Variants in PPIL6 observed in about 807,000 individuals in gnomAD.
PPIL6 encodes the protein peptidylprolyl isomerase like 6, also known as probable inactive peptidyl-prolyl cis-trans isomerase-like 6.
PPIL6 carries 39 observed loss-of-function variants against 36.8 expected under a neutral mutation model. The ratio of observed to expected loss-of-function variants is 1.06; its 90% confidence interval spans 0.82 to 1.38. The LOEUF is 1.38. Ranked by LOEUF, PPIL6 falls within the 40% of genes most tolerant of loss-of-function variation. PPIL6 has a pLI of 0.00. For synonymous variants in PPIL6, 123 were observed against 134.1 expected (o/e 0.92, Z 0.57); for missense variants, 368 against 379.1 (o/e 0.97, Z 0.24).
At chr6:109,432,344 C>T (rs1167402040) in intron 2 of PPIL6, among the ~76,000 whole-genome samples, 3 of 152,114 alleles carry the variant, frequency 2.0e-5, no homozygotes, top group Non-Finnish European at 2.9e-5. Flanking sequence ...CCTCAAAATG[C>T]AGTGTGTTAG....
chr6:109,400,168 C>T lies in PPIL6; in HGVS notation c.691G>A (p.Glu231Lys), dbSNP rs375702419. Residue 231 changes from glutamate to lysine, a missense_variant and splice_region_variant, in exon 7 of 8, where the codon GAA becomes AAA. Coordinates refer to ENST00000521072, the MANE Select transcript of PPIL6 (RefSeq NM_173672.5). ...TTATTATGAGGAACTGAAAAGTTTT[C>T]ATCTAGGAAAGACAATAATCAGTAG... The part of the protein sequence containing the change: ...ESIYGPTFED[E>K]NFSVPHNKRG... 1.1e-5 allele frequency: 17 copies of T among 1,609,550 alleles called. No individual in the cohort carries two copies. Among genetic ancestry groups the T allele is most frequent in the East Asian group, 2.2e-5 (1 of 44,796 alleles).
Position 109,436,187 on chromosome 6 carries a change from T to C in PPIL6, c.148A>G (p.Asn50Asp), listed in dbSNP as rs549991729. The change falls in exon 2 of 8, where the codon AAT becomes GAT. Residue 50 changes from asparagine (N) to aspartate (D), a missense_variant. Physicochemically the swap from Asn to Asp is conservative, Grantham distance 23. Transcript: ENST00000521072. ...GGATCTTCAAATTTGGATGGATGAT[T>C]ATTCTTCAGATTCTGGATTTCGAAA... Reference protein sequence around the residue: ...AKSAAENLKNNHPSKFEDPIL... With the variant: ...AKSAAENLKNDHPSKFEDPIL... The C allele has an allele frequency of 1.2e-5, 18 of 1,538,772 alleles. No individual in the cohort carries two copies. The South Asian group carries it at 1.6e-4, about 14-fold the overall frequency.
intron 2 of PPIL6, among the ~76,000 whole-genome samples, chr6:109,435,727 C>T (rs1774408463): frequency 6.6e-6 from 1 of 152,158 alleles, no homozygotes; most frequent in Admixed American, 6.5e-5. Context: ...GAGTTTGAGA[C>T]TACCCTGGGC....
intron 7 of PPIL6, among the ~76,000 whole-genome samples, chr6:109,398,439 A>G (rs1772389869): frequency 6.6e-6 from 1 of 152,236 alleles, no homozygotes; most frequent in African/African-American, 2.4e-5. Context: ...TGGAGAGTCA[A>G]TAATTATCCC....
chr6:109,422,080 A>G (rs1411405654), intron 5 of PPIL6, among the ~76,000 whole-genome samples: 1 of 151,818 alleles, frequency 6.6e-6, no homozygotes, highest in Non-Finnish European at 1.5e-5. Flanking sequence ...GTTTCACCAT[A>G]TTGGCCAGAC....
chr6:109,430,246 A>T (rs902089555), intron 3 of PPIL6, among the ~76,000 whole-genome samples: 1 of 152,228 alleles, frequency 6.6e-6, no homozygotes, highest in Non-Finnish European at 1.5e-5. Context: ...TTTTCTGCAC[A>T]ATGCAGTTGT....
At chr6:109,412,929 G>A (rs1773077085) in intron 6 of PPIL6, among the ~76,000 whole-genome samples, 1 of 152,142 alleles carries the variant, frequency 6.6e-6, no homozygotes, top group Admixed American at 6.6e-5. Flanking sequence ...GGAGGCTGAG[G>A]CAGGTGGATC....
chr6:109,435,289 T>C (rs931868969), intron 2 of PPIL6, among the ~76,000 whole-genome samples: 1 of 151,048 alleles, frequency 6.6e-6, no homozygotes, highest in Non-Finnish European at 1.5e-5. Context: ...ATTCTGTAAA[T>C]GTTGCACTTT....
At position 109,440,542 on chromosome 6, in the gene PPIL6, G is replaced by T; in HGVS notation, c.49C>A (p.Pro17Thr). Reference protein sequence around the residue: ...CGPPHARCGSPSLPERPLQVK... With the variant: ...CGPPHARCGSTSLPERPLQVK... The stretch of plus-strand genomic sequence containing the variant: ...TGCAGCGGCCGCTCCGGCAGCGACG[G>T]CGAGCCGCACCTAGCGTGCGGGGGC... The change falls in exon 1 of 8, where the codon CCG becomes ACG. Residue 17 changes from proline (P) to threonine (T), a missense_variant. Coordinates refer to ENST00000521072, the MANE Select transcript of PPIL6 (RefSeq NM_173672.5). 1 of 1,488,652 alleles carries T rather than the reference G, an allele frequency of 6.7e-7. No homozygotes were observed. The allele number at this position is 1,488,652 out of a possible 1,614,324, so 92.2% of individuals were successfully genotyped here.
intron 7 of PPIL6, among the ~76,000 whole-genome samples, chr6:109,395,994 G>A (rs972258017): frequency 3.3e-5 from 5 of 151,776 alleles, no homozygotes; most frequent in African/African-American, 7.3e-5. Context: ...CACCACGCCC[G>A]GCTAATTTTT....
chr6:109,438,264 A>G (rs1012019572), intron 1 of PPIL6, among the ~76,000 whole-genome samples: 1 of 151,966 alleles, frequency 6.6e-6, no homozygotes. Context: ...TTAGGAATAC[A>G]TTCAGATATC....
At chr6:109,438,953 A>G (rs1232628475) in intron 1 of PPIL6, among the ~76,000 whole-genome samples, 2 of 152,234 alleles carry the variant, frequency 1.3e-5, no homozygotes, top group African/African-American at 4.8e-5. Context: ...CGCAAGTCAA[A>G]TTTCGTGTCC....
intron 5 of PPIL6, among the ~76,000 whole-genome samples, chr6:109,421,980 G>A (rs1346182452): frequency 6.6e-6 from 1 of 152,176 alleles, no homozygotes; most frequent in Admixed American, 6.5e-5. Context: ...GGGTTCAACC[G>A]ATTCTCCTGC....
rs573641893 is a variant in PPIL6 at position 109,431,055 on chromosome 6, C to T, written c.420+102G>A. The T allele has an allele frequency of 5.8e-6, 5 of 863,580 alleles. No individual in the cohort carries two copies. In the East Asian group the frequency reaches 1.2e-4, roughly 21 times the overall value. The allele number at this position is 863,580 out of a possible 1,614,324, so 53.5% of individuals were successfully genotyped here. On this transcript the variant is annotated intron_variant, in intron 3 of 7. Transcript: ENST00000521072. Reference sequence around the variant, plus strand: ...ACTAGGCTTTAAACTTAGTCTCCTACTTTTTTATAATCTCCTTCATTAGGA... The same window carrying T: ...ACTAGGCTTTAAACTTAGTCTCCTATTTTTTTATAATCTCCTTCATTAGGA...
upstream of PPIL6, chr6:109,441,123 T>C (rs865798957): frequency 1.9e-6 from 3 of 1,614,100 alleles, no homozygotes; most frequent in Middle Eastern, 3.3e-4. Context: ...TCCCCAACCA[T>C]GAAGCCCAAC....
intron 3 of PPIL6, among the ~76,000 whole-genome samples, chr6:109,430,575 C>T (rs566747020): frequency 5.3e-4 from 80 of 152,216 alleles, no homozygotes; most frequent in Non-Finnish European, 9.0e-4. Context: ...TACAGGTACA[C>T]GCCACCACGC....
intron 6 of PPIL6, among the ~76,000 whole-genome samples, chr6:109,414,993 T>C (rs1206349898): frequency 6.6e-6 from 1 of 152,170 alleles, no homozygotes; most frequent in Non-Finnish European, 1.5e-5. Flanking sequence ...AGAGAAAATA[T>C]ATCTACTATT....
intron 6 of PPIL6, chr6:109,405,079 T>C (rs759435759): frequency 1.1e-4 from 42 of 393,082 alleles, no homozygotes; most frequent in South Asian, 4.6e-4. Context: ...AAGATATCTT[T>C]TCATAACCTT....
At chr6:109,415,095 C>T in intron 6 of PPIL6, among the ~76,000 whole-genome samples, 1 of 152,130 alleles carries the variant, frequency 6.6e-6, no homozygotes. Context: ...GTCTTGCTGT[C>T]TCAGGGTGGC....
Sources: allele counts gnomAD v4.1 joint callset (sites outside exome capture counted in the v4.1 genomes callset), GRCh38; gene constraint gnomAD v4.1.1; transcripts MANE v1.5; gene names NCBI Gene and HGNC (gene_info 2026-07-23, HGNC 2026-07-21).